ESRP2: variants seen among roughly 807,000 people sequenced by gnomAD.
The protein encoded by ESRP2 is epithelial splicing regulatory protein 2.
Under a neutral mutation model 78.6 loss-of-function variants are expected in ESRP2, and 48 were observed. That is an observed-to-expected ratio of 0.61 (90% CI 0.48 to 0.78). The LOEUF (loss-of-function observed/expected upper bound fraction) is 0.78. Ranked by LOEUF, ESRP2 falls within the 30% of genes least tolerant of loss-of-function variation. ESRP2 has a pLI of 0.00. For synonymous variants in ESRP2, 383 were observed against 406.7 expected (o/e 0.94, Z 0.70); for missense variants, 863 against 965.9 (o/e 0.89, Z 1.41).
In ESRP2 at chr16:68,231,528, G is replaced by A; in HGVS notation, c.1466C>T (p.Ala489Val). ...EDILSFLGEA[A>V]ADIRPHGVHM... ...TACACCGTGGGGCCGAATGTCAGCT[G>A]CTGCCTCCCCCAGAAAGCTCAGGAT... Residue 489 changes from alanine (A) to valine (V), a missense_variant, in exon 11 of 15, where the codon GCA (alanine) becomes GTA (valine). Physicochemically the swap from Ala to Val is moderately conservative, Grantham distance 64. Coordinates refer to ENST00000473183, the MANE Select transcript of ESRP2 (RefSeq NM_024939.3). This position sits in a 1 kb window ranked among gnomAD's most constrained non-coding sequence, Gnocchi z 6.0. The A allele has an allele frequency of 6.2e-7, 1 of 1,614,116 alleles. No individual in the cohort carries two copies. The highest frequency in any genetic ancestry group is 1.1e-5 in the South Asian group (1 of 91,086).
At chr16:68,233,149 A>C in intron 5 of ESRP2, 178 bp downstream of exon 5, 1 of 607,516 alleles carries the variant, frequency 1.6e-6, no homozygotes. Flanking sequence ...CAGTGAGCTG[A>C]GATTGTGCCA....
chr16:68,232,357 G>A lies in ESRP2; in HGVS notation c.954+14C>T. 6.2e-7 allele frequency: 1 copy of A among 1,614,014 alleles called. No individual in the cohort carries two copies. Among genetic ancestry groups the A allele is most frequent in the Non-Finnish European group, 8.5e-7 (1 of 1,179,950 alleles). Reference sequence around the variant, plus strand: ...TCAGATTGGCCCTGCTCCGCTCCCAGCCCAAAGCCCCACCTCAATATAGCG... The same window carrying A: ...TCAGATTGGCCCTGCTCCGCTCCCAACCCAAAGCCCCACCTCAATATAGCG... On this transcript the variant is annotated intron_variant, in intron 8 of 14. Coordinates refer to ENST00000473183, the MANE Select transcript of ESRP2 (RefSeq NM_024939.3). This position sits in a 1 kb window ranked among gnomAD's most constrained non-coding sequence, Gnocchi z 5.2.
chr16:68,230,254 T>C lies in ESRP2; in HGVS notation c.2126A>G (p.Gln709Arg). The C allele has an allele frequency of 6.2e-7, 1 of 1,614,166 alleles. No individual in the cohort carries two copies. The highest frequency in any genetic ancestry group is 8.5e-7 in the Non-Finnish European group (1 of 1,180,012). The change falls in exon 15 of 15, where the codon CAA becomes CGA. Residue 709 changes from glutamine (Q) to arginine (R), a missense_variant. Coordinates refer to ENST00000473183, the MANE Select transcript of ESRP2 (RefSeq NM_024939.3). The part of the protein sequence containing the change: ...PVGDPPRTVL[Q>R]APKEWVCL Reference sequence around the variant, plus strand: ...CAAACACACCCATTCCTTGGGGGCTTGTAACACAGTGCGAGGTGGGTCACC... The same window carrying C: ...CAAACACACCCATTCCTTGGGGGCTCGTAACACAGTGCGAGGTGGGTCACC...
In ESRP2 at chr16:68,232,947, C is replaced by G. The variant is rs1349666917; in HGVS notation, c.656-132G>C. On this transcript the variant is annotated intron_variant, in intron 5 of 14. Coordinates refer to ENST00000473183, the MANE Select transcript of ESRP2 (RefSeq NM_024939.3). The surrounding 1 kb of genome is among the most constrained non-coding windows in gnomAD (Gnocchi z 5.2). ...AGCACAGTGGCTCACGCCTATAATC[C>G]CAGCACTTTGGGAGGCCAAGGTGGG... The G allele has an allele frequency of 7.5e-7, 1 of 1,328,042 alleles. No individual in the cohort carries two copies. The highest frequency in any genetic ancestry group is 1.4e-5 in the African/African-American group (1 of 69,296). 82.3% of individuals were successfully genotyped at this position (1,328,042 alleles called of 1,614,324 possible).
At position 68,232,452 on chromosome 16, in the gene ESRP2, G is replaced by T. The variant is rs1232917416; in HGVS notation, c.873C>A (p.Ala291=). The T allele has an allele frequency of 1.9e-6, 3 of 1,614,068 alleles. No individual in the cohort carries two copies. Among genetic ancestry groups the T allele is most frequent in the Non-Finnish European group, 2.5e-6 (3 of 1,180,014 alleles). ...GCTCGCTGTCCACAAAGCGGATGAG[G>T]GCCTCGCCATTTCTGCGGCCCTGGG... The part of the protein sequence containing the change: ...LNAQGRRNGE[A]LIRFVDSEQR... The change falls in exon 8 of 15, where the codon GCC becomes GCA. Residue 291 remains alanine, a synonymous_variant. Coordinates refer to ENST00000473183, the MANE Select transcript of ESRP2 (RefSeq NM_024939.3). This position sits in a 1 kb window ranked among gnomAD's most constrained non-coding sequence, Gnocchi z 5.2.
intron 14 of ESRP2, 24 bp from the exon 15 acceptor site, chr16:68,230,339 G>T (rs376551656): frequency 1.1e-4 from 177 of 1,614,062 alleles, no homozygotes; most frequent in Non-Finnish European, 1.5e-4. Context: ...ACAGATTTAG[G>T]GCAGAGAGCT....
chr16:68,233,274 A>G lies in ESRP2; in HGVS notation c.655+53T>C, dbSNP rs1567565469. 12 of 1,212,194 alleles carry G rather than the reference A, an allele frequency of 9.9e-6. 1 individual carries two copies. The highest frequency in any genetic ancestry group is 6.0e-5 in the South Asian group (5 of 83,004). 75.1% of individuals were successfully genotyped at this position (1,212,194 alleles called of 1,614,324 possible). On this transcript the variant is annotated intron_variant, in intron 5 of 14. Coordinates refer to ENST00000473183, the MANE Select transcript of ESRP2 (RefSeq NM_024939.3). ...GAGAAGGTCACAGTGGGGAGGAGCA[A>G]TAGGCATTTGTCATCCCTGAGAACA...
Position 68,232,269 on chromosome 16 carries a change from T to A in ESRP2, c.974A>T (p.Glu325Val), listed in dbSNP as rs760246952. Residue 325 changes from glutamate (E) to valine (V), a missense_variant, in exon 9 of 15, where the codon GAG becomes GTG. Transcript: ENST00000473183. This position sits in a 1 kb window ranked among gnomAD's most constrained non-coding sequence, Gnocchi z 5.2. ...ACCCCCTGCAATCTTTACAAACTCC[T>A]CCCCTGTCGCTTTATACACCTGTGG... ...RYIEVYKATG[E>V]EFVKIAGGTS... The A allele has an allele frequency of 6.2e-7, 1 of 1,614,036 alleles. No homozygotes were observed. Among genetic ancestry groups the A allele is most frequent in the South Asian group, 1.1e-5 (1 of 91,078 alleles).
rs779551114 is a variant in ESRP2 at position 68,232,639 on chromosome 16, C to A, written c.759G>T (p.Gly253=). ...VDSETVVRAR[G]LPWQSSDQDV... ...CCTGGTCTGATGACTGCCACGGCAA[C>A]CCACGAGCCCGTACCACAGTCTCAC... The change falls in exon 7 of 15, where the codon GGG becomes GGT. Residue 253 remains glycine (G), a synonymous_variant. Transcript: ENST00000473183. The surrounding 1 kb of genome is among the most constrained non-coding windows in gnomAD (Gnocchi z 5.2). The A allele has an allele frequency of 1.3e-4, 203 of 1,614,118 alleles. 1 individual carries two copies. Among genetic ancestry groups the A allele is most frequent in the Middle Eastern group, 6.6e-4 (4 of 6,084 alleles).
At position 68,231,184 on chromosome 16, in the gene ESRP2, G is replaced by C; in HGVS notation, c.1705C>G (p.Leu569Val). The change falls in exon 12 of 15, where the codon CTG (leucine) becomes GTG (valine). Residue 569 changes from leucine (L) to valine (V), a missense_variant. Leu to Val is a conservative substitution (Grantham distance 32). Coordinates refer to ENST00000473183, the MANE Select transcript of ESRP2 (RefSeq NM_024939.3). This position sits in a 1 kb window ranked among gnomAD's most constrained non-coding sequence, Gnocchi z 6.0. ...RSGMSPPPCK[L>V]PCLSPPTYTT... ...TAGCCCCTAGGGCACTCACAGGGCA[G>C]CTTGCAGGGTGGAGGGGACATGCCA... 6.2e-7 allele frequency: 1 copy of C among 1,613,086 alleles called. No individual in the cohort carries two copies. The highest frequency in any genetic ancestry group is 8.5e-7 in the Non-Finnish European group (1 of 1,179,928).
Position 68,231,858 on chromosome 16 carries a change from T to C in ESRP2, c.1243A>G (p.Met415Val), listed in dbSNP as rs1215157210. 1.2e-6 allele frequency: 2 copies of C among 1,613,948 alleles called. No individual in the cohort carries two copies. The highest frequency in any genetic ancestry group is 1.1e-5 in the South Asian group (1 of 91,092). The change falls in exon 10 of 15, where the codon ATG becomes GTG. Residue 415 changes from methionine to valine, a missense_variant. By Grantham distance (21) the Met-to-Val change is conservative (BLOSUM62 1). Transcript: ENST00000473183. This position sits in a 1 kb window ranked among gnomAD's most constrained non-coding sequence, Gnocchi z 6.0. ...AGTTCAATGTATCGCTTACCCAGCA[T>C]GCCCTTGTGCCTGCGCAGTGCAGCC... ...AQAALRRHKGMLGKRYIELFR... is the reference protein window; with the variant it reads ...AQAALRRHKGVLGKRYIELFR...
chr16:68,231,821 G>A lies in ESRP2; in HGVS notation c.1280C>T (p.Thr427Ile). 6.2e-7 allele frequency: 1 copy of A among 1,609,760 alleles called. No homozygotes were observed. The highest frequency in any genetic ancestry group is 8.5e-7 in the Non-Finnish European group (1 of 1,176,412). ...GKRYIELFRS[T>I]AAEVQQVLNR... ...GCTCACCTGCTGCACTTCGGCTGCA[G>A]TGCTCCGGAAGAGTTCAATGTATCG... The change falls in exon 10 of 15, where the codon ACT becomes ATT. Residue 427 changes from threonine (T) to isoleucine (I), a missense_variant. Coordinates refer to ENST00000473183, the MANE Select transcript of ESRP2 (RefSeq NM_024939.3). This position sits in a 1 kb window ranked among gnomAD's most constrained non-coding sequence, Gnocchi z 6.0.
In ESRP2 at chr16:68,231,958, C is replaced by T; in HGVS notation, c.1143G>A (p.Leu381=). The change falls in exon 10 of 15, where the codon CTG becomes CTA. Residue 381 remains leucine, a synonymous_variant. Transcript: ENST00000473183. This position sits in a 1 kb window ranked among gnomAD's most constrained non-coding sequence, Gnocchi z 6.0. ...ECPVTGGTEG[L]LFVRHPDGRP... Reference sequence around the variant, plus strand: ...GGCCATCAGGATGGCGCACAAAGAGCAGCCCCTCGGTACCCCCAGTCACTG... The same window carrying T: ...GGCCATCAGGATGGCGCACAAAGAGTAGCCCCTCGGTACCCCCAGTCACTG... 6.2e-7 allele frequency: 1 copy of T among 1,614,086 alleles called. No individual in the cohort carries two copies. The highest frequency in any genetic ancestry group is 8.5e-7 in the Non-Finnish European group (1 of 1,180,012).
rs1194160642 is a variant in ESRP2 at position 68,231,193 on chromosome 16, G to C, written c.1696C>G (p.Pro566Ala). Reference sequence around the variant, plus strand: ...GGGCACTCACAGGGCAGCTTGCAGGGTGGAGGGGACATGCCACTGCGGCCC... The same window carrying C: ...GGGCACTCACAGGGCAGCTTGCAGGCTGGAGGGGACATGCCACTGCGGCCC... The part of the protein sequence containing the change: ...TLGRSGMSPP[P>A]CKLPCLSPPT... Residue 566 changes from proline to alanine, a missense_variant, in exon 12 of 15, where the codon CCC becomes GCC. Coordinates refer to ENST00000473183, the MANE Select transcript of ESRP2 (RefSeq NM_024939.3). This position sits in a 1 kb window ranked among gnomAD's most constrained non-coding sequence, Gnocchi z 6.0. The C allele has an allele frequency of 6.2e-7, 1 of 1,613,142 alleles. No individual in the cohort carries two copies. The highest frequency in any genetic ancestry group is 8.5e-7 in the Non-Finnish European group (1 of 1,179,980).
In ESRP2 at chr16:68,235,767, G is replaced by T; in HGVS notation, c.199-5C>A. On this transcript the variant is annotated splice_polypyrimidine_tract_variant and splice_region_variant and intron_variant, in intron 1 of 14. Transcript: ENST00000473183. This position sits in a 1 kb window ranked among gnomAD's most constrained non-coding sequence, Gnocchi z 5.5. ...CGATTTGTGCAGCGTCCCCACCTGT[G>T]AGCGGCGGGGGAAACCGATCAGCCG... 6.2e-7 allele frequency: 1 copy of T among 1,610,104 alleles called. No individual in the cohort carries two copies. Among genetic ancestry groups the T allele is most frequent in the South Asian group, 1.1e-5 (1 of 90,848 alleles).
chr16:68,230,538 TG>T lies in ESRP2; in HGVS notation c.1914del (p.Thr639ProfsTer39). 1 of 1,571,004 alleles carries T rather than the reference TG, an allele frequency of 6.4e-7. No individual in the cohort carries two copies. Among genetic ancestry groups the T allele is most frequent in the Non-Finnish European group, 8.6e-7 (1 of 1,156,912 alleles). On this transcript the variant is annotated frameshift_variant, in exon 14 of 15. Transcript: ENST00000473183. LOFTEE classifies it high-confidence loss of function. ...GGTGTAGTGAGGTAGCCCACAGTGG[TG>T]GGGGAGACTGGGGGGCTAGGGTGGG... ...TAYYPSPPVS[P>X]TTVGYLTTPT...
At chr16:68,234,494 C>A (rs2042195067) in intron 2 of ESRP2, 1 of 171,878 alleles carries the variant, frequency 5.8e-6, no homozygotes, top group Non-Finnish European at 1.2e-5. Context: ...TGGGGGAGGC[C>A]CAGGCCTGCC....
In ESRP2 at chr16:68,232,615, C is replaced by G. The variant is rs1329079887; in HGVS notation, c.783G>C (p.Gln261His). The change falls in exon 7 of 15, where the codon CAG (glutamine) becomes CAC (histidine). Residue 261 changes from glutamine (Q) to histidine (H), a missense_variant. Physicochemically the swap from Gln to His is conservative, Grantham distance 24 (BLOSUM62 0). Transcript: ENST00000473183. The surrounding 1 kb of genome is among the most constrained non-coding windows in gnomAD (Gnocchi z 5.2). The stretch of plus-strand genomic sequence containing the variant: ...GCCCTTTGAAGAAGCGAGCCACGTC[C>G]TGGTCTGATGACTGCCACGGCAACC... Reference protein sequence around the residue: ...ARGLPWQSSDQDVARFFKGLN... With the variant: ...ARGLPWQSSDHDVARFFKGLN... 8 of 1,614,094 alleles carry G rather than the reference C, an allele frequency of 5.0e-6. No individual in the cohort carries two copies. The highest frequency in any genetic ancestry group is 6.8e-6 in the Non-Finnish European group (8 of 1,180,050).
Position 68,229,628 on chromosome 16 carries a change from A to G in ESRP2, c.*598T>C, listed in dbSNP as rs573315640. 1.3e-5 allele frequency: 2 copies of G among 153,488 alleles called. No individual in the cohort carries two copies. Among genetic ancestry groups the G allele is most frequent in the East Asian group, 1.9e-4 (1 of 5,202 alleles). The allele number at this position is 153,488 out of a possible 1,614,324, so 9.5% of individuals were successfully genotyped here. A position where few individuals can be genotyped will look rare whatever the true frequency, so the allele number is the denominator to read the frequency against. The stretch of plus-strand genomic sequence containing the variant: ...CATCAAAATAGTTTGTGGTTTTGCC[A>G]TCTGTTACTCCTTATGCCCACCTGG... On this transcript the variant is annotated 3_prime_UTR_variant, in exon 15 of 15. Coordinates refer to ENST00000473183, the MANE Select transcript of ESRP2 (RefSeq NM_024939.3).
Sources: gnomAD v4.1 joint callset for allele counts on GRCh38, gnomAD v4.1.1 for gene constraint, Gnocchi (gnomAD v3.1) non-coding constraint, MANE v1.5 for transcripts, NCBI Gene and HGNC (gene_info 2026-07-23, HGNC 2026-07-21) for gene names.